The following MYT1L variants were observed in gnomAD, a reference collection of about 807,000 sequenced individuals.
MYT1L encodes myelin transcription factor 1 like, also known as myelin transcription factor 1-like protein.
MYT1L carries 12 observed loss-of-function variants against 126.7 expected under a neutral mutation model. The observed-to-expected ratio is 0.09, with a 90% CI of 0.06 to 0.15. The LOEUF (loss-of-function observed/expected upper bound fraction) is 0.15. MYT1L is among the 10% of genes least tolerant of loss of function. MYT1L has a pLI of 1.00. For synonymous variants in MYT1L, 541 were observed against 604.2 expected (o/e 0.90, Z 1.53); for missense variants, 979 against 1,585.2 (o/e 0.62, Z 6.49).
In MYT1L at chr2:2,004,384, G is replaced by GGCGTTCTTTCCTGCAT. The variant is rs1269319104; in HGVS notation, c.-157-7053_-157-7038dup. Among the ~76,000 whole-genome samples, 66 of 90,920 alleles carry GGCGTTCTTTCCTGCAT rather than the reference G, an allele frequency of 7.3e-4. 1 individual carries two copies. Among genetic ancestry groups the GGCGTTCTTTCCTGCAT allele is most frequent in the African/African-American group, 2.5e-3 (48 of 19,580 alleles). The allele number at this position is 90,920 out of a possible 152,430, so 59.6% of individuals were successfully genotyped here. A position where few individuals can be genotyped will look rare whatever the true frequency, so the allele number is the denominator to read the frequency against. On this transcript the variant is annotated intron_variant, in intron 4 of 24. Coordinates refer to ENST00000647738, the MANE Select transcript of MYT1L (RefSeq NM_001303052.2). ...TTTCCTGTGTGCCTTCTTTCCTGCA[G>GGCGTTCTTTCCTGCAT]GCGTTCTTTCCTGCATGCGTTCTTT...
chr2:2,246,521 C>T (rs1357197996), intron 2 of MYT1L, among the ~76,000 whole-genome samples: 9 of 152,172 alleles, frequency 5.9e-5, no homozygotes, highest in Non-Finnish European at 1.0e-4. Context: ...AGACAGGGGT[C>T]CCTGTACCTG....
chr2:2,262,730 A>T (rs2095006951), intron 2 of MYT1L, among the ~76,000 whole-genome samples: 1 of 150,812 alleles, frequency 6.6e-6, no homozygotes, highest in Admixed American at 6.6e-5. Context: ...TGCAGCTATA[A>T]CATCTGACCT....
chr2:2,296,753 G>C (rs963696311), intron 1 of MYT1L, among the ~76,000 whole-genome samples: 1 of 152,164 alleles, frequency 6.6e-6, no homozygotes, highest in Admixed American at 6.5e-5. Context: ...CTAGTAAAGA[G>C]AAGCTGGTGG....
At chr2:1,839,003 G>C in intron 21 of MYT1L, 146 bp downstream of exon 21, 1 of 741,958 alleles carries the variant, frequency 1.3e-6, no homozygotes, top group South Asian at 2.0e-5. Context: ...CTTGAATTTT[G>C]TTAGGTTGGT....
At chr2:1,840,524 C>T (rs2041521624) in intron 20 of MYT1L, among the ~76,000 whole-genome samples, 1 of 152,028 alleles carries the variant, frequency 6.6e-6, no homozygotes, top group African/African-American at 2.4e-5. Context: ...TTACATGGAA[C>T]CTCAGATTGA....
At chr2:1,918,158 CTT>C (rs1468223102) in intron 10 of MYT1L, among the ~76,000 whole-genome samples, 3 of 151,986 alleles carry the variant, frequency 2.0e-5, no homozygotes, top group Non-Finnish European at 4.4e-5. Context: ...TAGGGCAGAG[CTT>C]CGGTTAAAAA....
At chr2:2,225,682 C>T (rs139050063) in intron 2 of MYT1L, among the ~76,000 whole-genome samples, 4 of 152,162 alleles carry the variant, frequency 2.6e-5, no homozygotes, top group Admixed American at 6.5e-5. Flanking sequence ...CTCCATGAGC[C>T]GGGGCGGGGG....
chr2:1,923,511 A>G (rs1327755361), intron 9 of MYT1L, among the ~76,000 whole-genome samples: 1 of 152,254 alleles, frequency 6.6e-6, no homozygotes, highest in East Asian at 1.9e-4. Flanking sequence ...GGATCTTAAG[A>G]TAAACCAGTC....
chr2:1,802,503 G>A (rs1188036003), intron 22 of MYT1L, among the ~76,000 whole-genome samples: 1 of 152,218 alleles, frequency 6.6e-6, no homozygotes, highest in Non-Finnish European at 1.5e-5. Flanking sequence ...CTAACTAACA[G>A]AATTCCCAAT....
At chr2:2,254,926 G>A (rs17039470) in intron 2 of MYT1L, among the ~76,000 whole-genome samples, 2 of 151,692 alleles carry the variant, frequency 1.3e-5, no homozygotes, top group African/African-American at 4.9e-5. Flanking sequence ...ATTTTTTCTC[G>A]ACTTCTATAA....
Position 1,979,910 on chromosome 2 carries a change from T to A in MYT1L, c.1-133A>T. 1 of 854,398 alleles carries A rather than the reference T, an allele frequency of 1.2e-6. No homozygotes were observed. The highest frequency in any genetic ancestry group is 1.9e-6 in the Non-Finnish European group (1 of 527,310). 52.9% of individuals were successfully genotyped at this position (854,398 alleles called of 1,614,324 possible). On this transcript the variant is annotated intron_variant, in intron 5 of 24. Transcript: ENST00000647738. This position sits in a 1 kb window ranked among gnomAD's most constrained non-coding sequence, Gnocchi z 4.0. ...TTTCCCTCCATGAAGGGAAGCCCTC[T>A]ACAAGGGCAGGGGGTAAGACCAGGC...
At chr2:2,058,678 T>C (rs1467546182) in intron 3 of MYT1L, among the ~76,000 whole-genome samples, 1 of 152,350 alleles carries the variant, frequency 6.6e-6, no homozygotes, top group South Asian at 2.1e-4. Context: ...AGTAAGTCTT[T>C]TTTCTAACAC....
At chr2:1,933,997 T>C (rs755801489) in intron 9 of MYT1L, among the ~76,000 whole-genome samples, 141 of 137,900 alleles carry the variant, frequency 1.0e-3, no homozygotes, top group Middle Eastern at 3.8e-3. Context: ...TTTTTTGAGA[T>C]GGAGTCTTGC....
chr2:2,022,038 CA>C (rs1469037982), intron 4 of MYT1L, among the ~76,000 whole-genome samples: 1 of 152,184 alleles, frequency 6.6e-6, no homozygotes, highest in African/African-American at 2.4e-5. Flanking sequence ...TGAAAAATCT[CA>C]GGGTCGGGAG....
At chr2:2,069,689 C>A (rs560281973) in intron 3 of MYT1L, among the ~76,000 whole-genome samples, 1 of 152,116 alleles carries the variant, frequency 6.6e-6, no homozygotes. Context: ...CTCCCATCAA[C>A]AGTGTAAAAG....
intron 18 of MYT1L, among the ~76,000 whole-genome samples, chr2:1,855,989 C>T (rs1019893828): frequency 5.9e-5 from 9 of 151,996 alleles, no homozygotes; most frequent in African/African-American, 1.2e-4. Flanking sequence ...TAGACATTTA[C>T]GAGTGGTGAT....
intron 18 of MYT1L, among the ~76,000 whole-genome samples, chr2:1,877,181 C>G (rs2047016168): frequency 6.6e-6 from 1 of 152,238 alleles, no homozygotes; most frequent in South Asian, 2.1e-4. Context: ...ATGGAGAACA[C>G]AGGCTTCAGA....
rs183057170 is a variant in MYT1L, at chr2:2,189,043, A to G, written c.-420-16055T>C. 2.2e-4 allele frequency among the ~76,000 whole-genome samples: 34 copies of G among 152,270 alleles called. No homozygotes were observed. In the East Asian group the frequency reaches 5.6e-3, roughly 25 times the overall value. ...CTTCCTCCCCAGCGTAGCCAAGAAC[A>G]TAGCCTCCTAACCAGCCTCTCCAAT... On this transcript the variant is annotated intron_variant, in intron 2 of 24. Coordinates refer to ENST00000647738, the MANE Select transcript of MYT1L (RefSeq NM_001303052.2).
At chr2:2,056,602 C>T (rs147478123) in intron 3 of MYT1L, among the ~76,000 whole-genome samples, 1 of 152,292 alleles carries the variant, frequency 6.6e-6, no homozygotes, top group Non-Finnish European at 1.5e-5. Flanking sequence ...GAGTCAGTGA[C>T]CTCCTTTTCC....
Sources: allele counts gnomAD v4.1 joint callset (sites outside exome capture counted in the v4.1 genomes callset), GRCh38; gene constraint gnomAD v4.1.1; non-coding constraint Gnocchi (gnomAD v3.1); transcripts MANE v1.5; gene names NCBI Gene and HGNC (gene_info 2026-07-23, HGNC 2026-07-21).